The following RGS6 variants were observed in gnomAD, a reference collection of about 807,000 sequenced individuals.
RGS6 encodes regulator of G protein signaling 6.
A neutral mutation model predicts 78.5 loss-of-function variants in RGS6; 30 were observed. That is an observed-to-expected ratio of 0.38 (90% CI 0.29 to 0.52). RGS6 has a LOEUF of 0.52. Ranked by LOEUF, RGS6 falls within the 20% of genes least tolerant of loss-of-function variation. The probability of loss-of-function intolerance (pLI) is 0.85; values close to 1 mark genes in which losing one functional copy is unlikely to be tolerated. For synonymous variants in RGS6, 206 were observed against 206.0 expected (o/e 1.00, Z 0.00); for missense variants, 495 against 609.7 (o/e 0.81, Z 1.98).
At chr14:72,089,042 C>G (rs1452378270) in intron 2 of RGS6, among the ~76,000 whole-genome samples, 2 of 152,240 alleles carry the variant, frequency 1.3e-5, no homozygotes, top group Non-Finnish European at 2.9e-5. Flanking sequence ...TTATTATCAT[C>G]ACTGCATTTA....
chr14:72,021,874 C>T (rs2088668612), intron 2 of RGS6, among the ~76,000 whole-genome samples: 1 of 152,074 alleles, frequency 6.6e-6, no homozygotes, highest in South Asian at 2.1e-4. Flanking sequence ...ATTTCATCAG[C>T]CAGGTGTATT....
chr14:72,545,792 C>T lies in RGS6; in HGVS notation c.1422+5698C>T, dbSNP rs113663678. On this transcript the variant is annotated intron_variant, in intron 17 of 17. Coordinates refer to ENST00000553525, the MANE Select transcript of RGS6 (RefSeq NM_001204424.2). ...GCCCTGCTCAGTTGTTCAGGGTTCA[C>T]TCGTCCACGGTGAGTCGCCGGAGGG... Among the ~76,000 whole-genome samples the T allele has an allele frequency of 4.9e-3, 739 of 152,292 alleles. 4 individuals are homozygous for T. Among genetic ancestry groups the T allele is most frequent in the African/African-American group, 0.016 (663 of 41,552 alleles).
chr14:72,119,683 A>G (rs1268065508), intron 2 of RGS6, among the ~76,000 whole-genome samples: 1 of 151,956 alleles, frequency 6.6e-6, no homozygotes, highest in Non-Finnish European at 1.5e-5. Context: ...AGAAGGAAAG[A>G]GAGAGAGAAA....
chr14:72,613,077 CTCA>C, the RGS6 span, among the ~76,000 whole-genome samples: 1 of 151,958 alleles, frequency 6.6e-6, no homozygotes, highest in African/African-American at 2.4e-5. Context: ...CATTCCTGTT[CTCA>C]TCATCAATAT....
intron 2 of RGS6, among the ~76,000 whole-genome samples, chr14:72,257,004 G>C (rs935282911): frequency 2.6e-5 from 4 of 152,198 alleles, no homozygotes; most frequent in African/African-American, 9.7e-5. Context: ...CAAGAGGAGT[G>C]CTTTTAAAAC....
intron 2 of RGS6, among the ~76,000 whole-genome samples, chr14:72,237,696 G>A (rs1010582388): frequency 6.6e-6 from 1 of 152,074 alleles, no homozygotes; most frequent in African/African-American, 2.4e-5. Flanking sequence ...AAGGGGTGTG[G>A]CCCACTTATT....
At chr14:71,942,355 C>T (rs572303067) in intron 1 of RGS6, among the ~76,000 whole-genome samples, 2 of 151,948 alleles carry the variant, frequency 1.3e-5, no homozygotes, top group Admixed American at 1.3e-4. Flanking sequence ...ACACATATTT[C>T]AAAAAATGGA....
chr14:72,119,970 G>C lies in RGS6; in HGVS notation c.84+155095G>C, dbSNP rs968071834. On this transcript the variant is annotated intron_variant, in intron 2 of 17. Transcript: ENST00000553525. The stretch of plus-strand genomic sequence containing the variant: ...GAGTGTTGCCTATTTTGTTTTGTGA[G>C]GATGATAGATTCCTGTAACTGGAGC... Among the ~76,000 whole-genome samples the C allele has an allele frequency of 2.6e-5, 4 of 152,192 alleles. No homozygotes were observed. The South Asian group carries it at 8.3e-4, about 31-fold the overall frequency.
intron 2 of RGS6, among the ~76,000 whole-genome samples, chr14:72,071,962 T>G (rs1199676710): frequency 6.6e-6 from 1 of 152,256 alleles, no homozygotes; most frequent in Non-Finnish European, 1.5e-5. Flanking sequence ...AGTGCCATAT[T>G]TAAGTTCCTT....
At chr14:72,233,003 C>T (rs1301634251) in intron 2 of RGS6, among the ~76,000 whole-genome samples, 2 of 152,196 alleles carry the variant, frequency 1.3e-5, no homozygotes, top group Non-Finnish European at 2.9e-5. Context: ...TGACCAGGTG[C>T]TACCCACCTA....
chr14:72,472,878 C>T lies in RGS6; in HGVS notation c.543C>T (p.Asp181=). 6.2e-7 allele frequency: 1 copy of T among 1,609,880 alleles called. No individual in the cohort carries two copies. The highest frequency in any genetic ancestry group is 1.1e-5 in the South Asian group (1 of 90,748). ...FMQAEAQVKI[D]RKKDKTERKI... ...CCTCTCTTTACTCTTTCAGGATTGA[C>T]CGGAAAAAAGACAAGACAGAAAGGA... The change falls in exon 9 of 18, where the codon GAC becomes GAT. Residue 181 remains aspartate, a synonymous_variant. Transcript: ENST00000553525.
chr14:72,116,710 C>T (rs12880020), intron 2 of RGS6, among the ~76,000 whole-genome samples: 77,041 of 151,602 alleles, frequency 0.51, 19,839 homozygotes, highest in Admixed American at 0.59. Flanking sequence ...ATGCCTGTAA[C>T]CCTAGCACTT....
At chr14:72,623,711 T>C in the RGS6 span, among the ~76,000 whole-genome samples, 1 of 152,210 alleles carries the variant, frequency 6.6e-6, no homozygotes, top group Non-Finnish European at 1.5e-5. Flanking sequence ...TATAAATTCA[T>C]GGTGTAGTGT....
chr14:71,885,072 A>G, the RGS6 span, among the ~76,000 whole-genome samples: 2 of 152,198 alleles, frequency 1.3e-5, no homozygotes, highest in Non-Finnish European at 2.9e-5. Context: ...ATCCCTTAGC[A>G]TATCCCTCAG....
intron 2 of RGS6, among the ~76,000 whole-genome samples, chr14:72,346,324 G>GT (rs1416980177): frequency 6.6e-6 from 1 of 152,140 alleles, no homozygotes; most frequent in Non-Finnish European, 1.5e-5. Context: ...GCCCTTTGTC[G>GT]TTTCTGTTAG....
At chr14:72,580,356 G>A in the RGS6 span, among the ~76,000 whole-genome samples, 1 of 146,026 alleles carries the variant, frequency 6.8e-6, no homozygotes, top group South Asian at 2.1e-4. Context: ...CAGGAGAGAA[G>A]CAATCAGCTC....
chr14:72,259,427 A>G (rs1333219479), intron 2 of RGS6, among the ~76,000 whole-genome samples: 2 of 151,986 alleles, frequency 1.3e-5, no homozygotes, highest in African/African-American at 4.8e-5. Flanking sequence ...TGATTTAGTG[A>G]CTCCTATTCT....
At chr14:72,208,991 C>T (rs1164802759) in intron 2 of RGS6, among the ~76,000 whole-genome samples, 1 of 152,078 alleles carries the variant, frequency 6.6e-6, no homozygotes, top group Non-Finnish European at 1.5e-5. Context: ...GTGGCACACA[C>T]CTGTAATCCC....
chr14:71,987,054 G>C (rs866383146), intron 2 of RGS6, among the ~76,000 whole-genome samples: 1 of 152,156 alleles, frequency 6.6e-6, no homozygotes, highest in Admixed American at 6.5e-5. Context: ...CTTTTGCCAA[G>C]TCAAATAACA....
Sources: gnomAD v4.1 joint callset for allele counts (sites outside exome capture counted in the v4.1 genomes callset) on GRCh38, gnomAD v4.1.1 for gene constraint, MANE v1.5 for transcripts, NCBI Gene and HGNC (gene_info 2026-07-23, HGNC 2026-07-21) for gene names.